SYT12: variants seen among roughly 807,000 people sequenced by gnomAD.
SYT12 encodes the protein synaptotagmin 12.
A neutral mutation model predicts 39.5 loss-of-function variants in SYT12; 27 were observed. The ratio of observed to expected loss-of-function variants is 0.68; its 90% confidence interval spans 0.50 to 0.94. The LOEUF (loss-of-function observed/expected upper bound fraction) is 0.94, where lower values mean the gene tolerates loss of function less well. Ranked by LOEUF, SYT12 falls within the 40% of genes least tolerant of loss-of-function variation. The pLI is 0.00. For missense variants in SYT12, 536 were observed against 572.6 expected (o/e 0.94, Z 0.65); for synonymous variants, 233 against 239.7 (o/e 0.97, Z 0.26).
intron 3 of SYT12, among the ~76,000 whole-genome samples, chr11:67,013,031 C>T (rs1292843345): frequency 6.6e-6 from 1 of 152,112 alleles, no homozygotes; most frequent in African/African-American, 2.4e-5. Context: ...AGGAGTGAGT[C>T]CCTGTCCTCA....
upstream of SYT12, among the ~76,000 whole-genome samples, chr11:67,021,140 G>C (rs967745111): frequency 5.9e-5 from 9 of 152,186 alleles, no homozygotes; most frequent in Non-Finnish European, 1.0e-4. Context: ...ATGGGCATTT[G>C]TGGTCTCCTG....
chr11:67,021,332 T>G (rs995923354), upstream of SYT12, among the ~76,000 whole-genome samples: 3 of 151,996 alleles, frequency 2.0e-5, no homozygotes, highest in Non-Finnish European at 4.4e-5. Context: ...GCTTTTTTTT[T>G]TTGTTTGTTT....
chr11:67,045,592 G>A (rs1565343911), intron 6 of SYT12, 152 bp from the exon 7 acceptor site: 2 of 1,126,844 alleles, frequency 1.8e-6, no homozygotes, highest in Non-Finnish European at 2.5e-6. Context: ...TCTGTGAAAT[G>A]GGAAAAATAA....
intron 4 of SYT12, among the ~76,000 whole-genome samples, chr11:67,040,814 G>C (rs576233540): frequency 1.3e-5 from 2 of 151,780 alleles, no homozygotes; most frequent in East Asian, 3.9e-4. Flanking sequence ...CTCCAGCCTG[G>C]GCGACAGAGG....
rs915198236 is a variant in SYT12, at chr11:67,048,881, A to T, written c.*124A>T. The T allele has an allele frequency of 4.1e-5, 47 of 1,141,040 alleles. No homozygotes were observed. The highest frequency in any genetic ancestry group is 5.8e-5 in the Non-Finnish European group (47 of 813,442). 70.7% of individuals were successfully genotyped at this position (1,141,040 alleles called of 1,614,324 possible). A position where few individuals can be genotyped will look rare whatever the true frequency, so the allele number is the denominator to read the frequency against. ...ACTGGGGTCCCCTGGCAGAGTCCTC[A>T]TGACCCATCCTGGTCTCTCTGTCCA... On this transcript the variant is annotated 3_prime_UTR_variant, in exon 8 of 8. Transcript: ENST00000527043.
intron 1 of SYT12, chr11:67,028,138 C>A (rs187391448): frequency 1.3e-5 from 2 of 152,254 alleles, no homozygotes; most frequent in Admixed American, 6.5e-5. Flanking sequence ...GACTCTCACC[C>A]GCAAACCAGA....
At position 67,043,744 on chromosome 11, in the gene SYT12, A is replaced by T. The variant is rs1205035358; in HGVS notation, c.728A>T (p.Asp243Val). Residue 243 changes from aspartate (D) to valine (V), a missense_variant, in exon 5 of 8, where the codon GAT (aspartate) becomes GTT (valine). Physicochemically the swap from Asp to Val is radical, Grantham distance 152. Transcript: ENST00000527043. ...KSLRFSVFGI[D>V]EDERNVSTGV... The stretch of plus-strand genomic sequence containing the variant: ...CTGCGGTTTTCTGTATTTGGCATCG[A>T]TGAGGATGAGCGCAACGTCAGCACG... The T allele has an allele frequency of 6.2e-7, 1 of 1,614,128 alleles. No individual in the cohort carries two copies. The highest frequency in any genetic ancestry group is 1.1e-5 in the South Asian group (1 of 91,084).
chr11:67,030,442 G>C, intron 2 of SYT12: 1 of 473,576 alleles, frequency 2.1e-6, no homozygotes, highest in Non-Finnish European at 3.8e-6. Context: ...AAGGGTCCCC[G>C]GGGAGACCCT....
chr11:67,045,037 T>C (rs918725674), intron 6 of SYT12, among the ~76,000 whole-genome samples: 1 of 151,938 alleles, frequency 6.6e-6, no homozygotes, highest in Non-Finnish European at 1.5e-5. Flanking sequence ...AAGGTGGGCA[T>C]CTGTTCCCTG....
rs527949364 is a variant in SYT12 at position 67,039,448 on chromosome 11, C to T, written c.229-363C>T. On this transcript the variant is annotated intron_variant, in intron 3 of 7. Transcript: ENST00000527043. ...TGACCAACATGGAGAAACCCCATCT[C>T]TACTAAAAATACAAAATTAGCCAGA... Among the ~76,000 whole-genome samples, 7 of 152,136 alleles carry T rather than the reference C, an allele frequency of 4.6e-5. No individual in the cohort carries two copies. The South Asian group carries it at 1.4e-3, about 32-fold the overall frequency.
chr11:67,013,918 T>C (rs1175104434), intron 3 of SYT12, among the ~76,000 whole-genome samples: 1 of 152,172 alleles, frequency 6.6e-6, no homozygotes, highest in African/African-American at 2.4e-5. Flanking sequence ...TCCGGGAGAA[T>C]CCATCCCAGG....
At position 67,048,960 on chromosome 11, in the gene SYT12, C is replaced by G; in HGVS notation, c.*203C>G. 1 of 578,472 alleles carries G rather than the reference C, an allele frequency of 1.7e-6. No homozygotes were observed. Among genetic ancestry groups the G allele is most frequent in the South Asian group, 2.8e-5 (1 of 36,268 alleles). 35.8% of individuals were successfully genotyped at this position (578,472 alleles called of 1,614,324 possible). Reference sequence around the variant, plus strand: ...TGTGTCCAGGGCCCCAGGGTCTGCTCCTGCTGAGGACCAGCTGTGGCTGGG... The same window carrying G: ...TGTGTCCAGGGCCCCAGGGTCTGCTGCTGCTGAGGACCAGCTGTGGCTGGG... On this transcript the variant is annotated 3_prime_UTR_variant, in exon 8 of 8. Transcript: ENST00000527043.
chr11:67,024,035 A>C (rs1315968142), intron 1 of SYT12, among the ~76,000 whole-genome samples: 1 of 151,452 alleles, frequency 6.6e-6, no homozygotes, highest in East Asian at 2.0e-4. Flanking sequence ...GCAGGGGAGG[A>C]AGCTTGCCCA....
intron 3 of SYT12, among the ~76,000 whole-genome samples, chr11:67,016,712 C>T (rs1950062150): frequency 6.6e-6 from 1 of 152,192 alleles, no homozygotes. Flanking sequence ...AACTGTGGGT[C>T]TCAGCTGAGG....
At chr11:67,044,858 T>G in intron 6 of SYT12, 145 bp downstream of exon 6, 2 of 1,207,064 alleles carry the variant, frequency 1.7e-6, no homozygotes, top group South Asian at 1.6e-5. Flanking sequence ...CCAGAAGTCA[T>G]GCAGATGGAT....
At chr11:67,013,152 T>C (rs1461232224) in intron 3 of SYT12, among the ~76,000 whole-genome samples, 2 of 152,162 alleles carry the variant, frequency 1.3e-5, no homozygotes, top group African/African-American at 4.8e-5. Context: ...CCAGGCAATA[T>C]GTAGTGTCTC....
intron 1 of SYT12, among the ~76,000 whole-genome samples, chr11:67,023,695 G>A (rs913725732): frequency 2.0e-5 from 3 of 152,226 alleles, no homozygotes; most frequent in Non-Finnish European, 2.9e-5. Context: ...CGCCCCGCAT[G>A]TGCACACACG....
At position 67,039,957 on chromosome 11, in the gene SYT12, T is replaced by C. The variant is rs766971589; in HGVS notation, c.375T>C (p.Tyr125=). ...LMGRELDLAP[Y]GTLRKSQSAD... ...GCCGGGAGTTGGACCTGGCCCCCTA[T>C]GGGACCCTCCGGAAGTCCCAGTCGG... The change falls in exon 4 of 8, where the codon TAT becomes TAC. Residue 125 remains tyrosine, a synonymous_variant. Coordinates refer to ENST00000527043, the MANE Select transcript of SYT12 (RefSeq NM_177963.4). 1 of 1,613,746 alleles carries C rather than the reference T, an allele frequency of 6.2e-7. No individual in the cohort carries two copies. The highest frequency in any genetic ancestry group is 1.1e-5 in the South Asian group (1 of 91,078).
intron 6 of SYT12, among the ~76,000 whole-genome samples, chr11:67,045,383 G>A (rs911433146): frequency 6.6e-6 from 1 of 152,176 alleles, no homozygotes; most frequent in African/African-American, 2.4e-5. Context: ...AGCCGCACAC[G>A]GTTGAGTCAG....
Sources: allele counts gnomAD v4.1 joint callset (sites outside exome capture counted in the v4.1 genomes callset), GRCh38; gene constraint gnomAD v4.1.1; transcripts MANE v1.5; gene names NCBI Gene and HGNC (gene_info 2026-07-23, HGNC 2026-07-21).